The following PDCL variants were observed in gnomAD, a reference collection of about 807,000 sequenced individuals.
PDCL encodes phosducin like, also known as phosducin-like protein.
PDCL carries 11 observed loss-of-function variants against 26.7 expected under a neutral mutation model. That is an observed-to-expected ratio of 0.41 (90% CI 0.26 to 0.68). The LOEUF (loss-of-function observed/expected upper bound fraction) is 0.68. Ranked by LOEUF, PDCL falls within the 30% of genes least tolerant of loss-of-function variation. PDCL has a pLI of 0.30. For missense variants in PDCL, 330 were observed against 371.6 expected, an observed-to-expected ratio of 0.89 and a Z score of 0.92; for synonymous variants, 118 against 134.9, an observed-to-expected ratio of 0.87 and a Z score of 0.87.
At chr9:122,825,371 A>C (rs1829611000) in intron 2 of PDCL, among the ~76,000 whole-genome samples, 1 of 152,120 alleles carries the variant, frequency 6.6e-6, no homozygotes, top group African/African-American at 2.4e-5. Context: ...TGTGTTGCCC[A>C]GGCTGGTCTC....
In PDCL at chr9:122,819,876, G is replaced by A. The variant is rs182139025; in HGVS notation, c.*209C>T. ...TCTTAAGTAAACAGTTCAAAAGCCT[G>A]GCTTCCTGTTTATACAACTGTAAGT... On this transcript the variant is annotated 3_prime_UTR_variant, in exon 4 of 4. Coordinates refer to ENST00000259467, the MANE Select transcript of PDCL (RefSeq NM_005388.5). 77 of 457,446 alleles carry A rather than the reference G, an allele frequency of 1.7e-4. No homozygotes were observed. The highest frequency in any genetic ancestry group is 1.2e-3 in the African/African-American group (57 of 49,274). 28.3% of individuals were successfully genotyped at this position (457,446 alleles called of 1,614,324 possible).
intron 1 of PDCL, among the ~76,000 whole-genome samples, chr9:122,827,984 G>A (rs1341467298): frequency 1.1e-4 from 17 of 152,086 alleles, no homozygotes; most frequent in Admixed American, 8.5e-4. Context: ...CCAGCACAAT[G>A]CCGCTGCACA....
At chr9:122,820,684 G>A (rs753943275) in intron 3 of PDCL, 48 bp from the exon 4 acceptor site, 32 of 1,504,014 alleles carry the variant, frequency 2.1e-5, no homozygotes, top group Middle Eastern at 1.8e-4. Flanking sequence ...CTGAACACTC[G>A]TGATAACAGT....
intron 3 of PDCL, among the ~76,000 whole-genome samples, chr9:122,821,858 TAAA>T: frequency 1.3e-5 from 2 of 152,092 alleles, no homozygotes; most frequent in South Asian, 2.1e-4. Context: ...GCTCCTCTCA[TAAA>T]ACCTAACTCT....
In PDCL at chr9:122,823,105, T is replaced by G; in HGVS notation, c.265A>C (p.Lys89Gln). The change falls in exon 3 of 4, where the codon AAG becomes CAG. Residue 89 changes from lysine to glutamine, a missense_variant. Coordinates refer to ENST00000259467, the MANE Select transcript of PDCL (RefSeq NM_005388.5). ...EQCREMERLI[K>Q]KLSMTCRSHL... ...GACCTGCAAGTCATTGACAGCTTCTTGATCAGCCTTTCCATCTCCCGGCAC... is the reference window on the plus strand; with the variant it reads ...GACCTGCAAGTCATTGACAGCTTCTGGATCAGCCTTTCCATCTCCCGGCAC... 6.2e-7 allele frequency: 1 copy of G among 1,614,202 alleles called. No homozygotes were observed. Among genetic ancestry groups the G allele is most frequent in the Non-Finnish European group, 8.5e-7 (1 of 1,180,034 alleles).
At chr9:122,828,065 G>A (rs1243205894) in intron 1 of PDCL, among the ~76,000 whole-genome samples, 1 of 152,160 alleles carries the variant, frequency 6.6e-6, no homozygotes, top group East Asian at 1.9e-4. Flanking sequence ...AAAGGAGACA[G>A]GGATCATGGA....
rs1314671676 is a variant in PDCL at position 122,818,911 on chromosome 9, T to C, written c.*1174A>G. The C allele has an allele frequency of 6.6e-6, 1 of 152,100 alleles. No individual in the cohort carries two copies. Among genetic ancestry groups the C allele is most frequent in the Non-Finnish European group, 1.5e-5 (1 of 67,998 alleles). 9.4% of individuals were successfully genotyped at this position (152,100 alleles called of 1,614,324 possible). ...CAATGAACATCTATCACTTTTGTAA[T>C]TTAAAAAAAGTATTTGCTATCTTTC... is the stretch of plus-strand genomic sequence containing the variant. On this transcript the variant is annotated 3_prime_UTR_variant, in exon 4 of 4. Coordinates refer to ENST00000259467, the MANE Select transcript of PDCL (RefSeq NM_005388.5).
chr9:122,820,173 A>T lies in PDCL; in HGVS notation c.818T>A (p.Leu273Ter). 2 of 1,614,192 alleles carry T rather than the reference A, an allele frequency of 1.2e-6. No homozygotes were observed. The highest frequency in any genetic ancestry group is 1.7e-6 in the Non-Finnish European group (2 of 1,180,026). ...DLEAFLQEFG[L>*]LPEKEVLVLT... ...CACCAAGACTTCCTTTTCTGGGAGT[A>T]ATCCAAATTCCTGGAGAAAAGCTTC... Residue 273 changes from leucine to a stop codon, truncating the protein, a stop_gained, in exon 4 of 4, where the codon TTA (leucine) becomes TAA (stop). Coordinates refer to ENST00000259467, the MANE Select transcript of PDCL (RefSeq NM_005388.5). LOFTEE classifies it high-confidence loss of function.
At chr9:122,820,741 T>A in intron 3 of PDCL, 105 bp from the exon 4 acceptor site, 4 of 907,028 alleles carry the variant, frequency 4.4e-6, no homozygotes, top group Non-Finnish European at 6.6e-6. Flanking sequence ...CCTAGCACTT[T>A]GGGAGGCTGA....
intron 2 of PDCL, among the ~76,000 whole-genome samples, chr9:122,825,165 CTT>C (rs779305224): frequency 5.5e-5 from 8 of 145,366 alleles, no homozygotes; most frequent in East Asian, 2.0e-4. Context: ...ATAGGAGAAT[CTT>C]TTTTTTTTTT....
chr9:122,820,738 C>T (rs12379464), intron 3 of PDCL, 102 bp from the exon 4 acceptor site: 1 of 903,754 alleles, frequency 1.1e-6, no homozygotes, highest in Non-Finnish European at 1.6e-6. Flanking sequence ...AATCCTAGCA[C>T]TTTGGGAGGC....
At chr9:122,826,902 A>G in intron 1 of PDCL, 110 bp from the exon 2 acceptor site, 1 of 977,344 alleles carries the variant, frequency 1.0e-6, no homozygotes. Context: ...CAGGACACTA[A>G]AGTGATTATT....
chr9:122,827,760 G>A (rs559271205), intron 1 of PDCL, among the ~76,000 whole-genome samples: 10 of 152,150 alleles, frequency 6.6e-5, no homozygotes, highest in Admixed American at 6.5e-4. Flanking sequence ...AAAATATAAA[G>A]GACCAGGCTT....
At chr9:122,827,078 A>C (rs1019433227) in intron 1 of PDCL, among the ~76,000 whole-genome samples, 1 of 152,224 alleles carries the variant, frequency 6.6e-6, no homozygotes, top group South Asian at 2.1e-4. Flanking sequence ...CCTGACTCCA[A>C]GAGCCTGAGG....
chr9:122,824,999 A>C (rs1395405285), intron 2 of PDCL, among the ~76,000 whole-genome samples: 1 of 152,242 alleles, frequency 6.6e-6, no homozygotes, highest in Non-Finnish European at 1.5e-5. Flanking sequence ...TCAAGATAAT[A>C]AAGATGGCTT....
Position 122,823,156 on chromosome 9 carries a change from A to T in PDCL, c.214T>A (p.Leu72Met), listed in dbSNP as rs765341761. 2.5e-6 allele frequency: 4 copies of T among 1,613,982 alleles called. No homozygotes were observed. The Admixed American group carries it at 5.0e-5, about 20-fold the overall frequency. The change falls in exon 3 of 4, where the codon TTG becomes ATG. Residue 72 changes from leucine to methionine, a missense_variant. Transcript: ENST00000259467. Reference sequence around the variant, plus strand: ...TGCTCCTCCCTCTGCTCTGTCTCCAACTGCTTGAAGCGGCGCCAGTCATTG... The same window carrying T: ...TGCTCCTCCCTCTGCTCTGTCTCCATCTGCTTGAAGCGGCGCCAGTCATTG... Reference protein sequence around the residue: ...VINDWRRFKQLETEQREEQCR... With the variant: ...VINDWRRFKQMETEQREEQCR...
At chr9:122,820,769 A>T in intron 3 of PDCL, 133 bp from the exon 4 acceptor site, 3 of 562,748 alleles carry the variant, frequency 5.3e-6, no homozygotes, top group Non-Finnish European at 9.1e-6. Context: ...GGATCACTTG[A>T]GGTCAGGAGT....
chr9:122,823,219 G>A (rs1829575711), intron 2 of PDCL, 22 bp from the exon 3 acceptor site: 2 of 1,612,192 alleles, frequency 1.2e-6, no homozygotes, highest in African/African-American at 1.3e-5. Flanking sequence ...GAACACGGAT[G>A]TGACCAAGGA....
At position 122,820,539 on chromosome 9, in the gene PDCL, T is replaced by C; in HGVS notation, c.452A>G (p.Gln151Arg). Residue 151 changes from glutamine (Q) to arginine (R), a missense_variant, in exon 4 of 4, where the codon CAG (glutamine) becomes CGG (arginine). Physicochemically the swap from Gln to Arg is conservative, Grantham distance 43 (BLOSUM62 1). Transcript: ENST00000259467. ...CTTGAATTGGGGCCCCTTGTGAAGC[T>C]GCTGCCGCATCTCTTCCATTCGCTG... ...RKQRMEEMRQ[Q>R]LHKGPQFKQV... 2 of 1,614,112 alleles carry C rather than the reference T, an allele frequency of 1.2e-6. No individual in the cohort carries two copies. Among genetic ancestry groups the C allele is most frequent in the Non-Finnish European group, 1.7e-6 (2 of 1,180,008 alleles).
Sources: gnomAD v4.1 joint callset for allele counts (sites outside exome capture counted in the v4.1 genomes callset) on GRCh38, gnomAD v4.1.1 for gene constraint, MANE v1.5 for transcripts, NCBI Gene and HGNC (gene_info 2026-07-23, HGNC 2026-07-21) for gene names.